Variants in PCDHGB7 observed in about 807,000 individuals in gnomAD.
PCDHGB7 encodes protocadherin gamma-B7.
A neutral mutation model predicts 61.4 loss-of-function variants in PCDHGB7; 37 were observed. The ratio of observed to expected loss-of-function variants is 0.60; its 90% confidence interval spans 0.46 to 0.79. The LOEUF (loss-of-function observed/expected upper bound fraction) is 0.79, where lower values mean the gene tolerates loss of function less well. PCDHGB7 is among the 30% of genes least tolerant of loss of function. PCDHGB7 has a pLI of 0.00. For synonymous variants in PCDHGB7, 464 were observed against 503.5 expected (o/e 0.92, Z 1.05); for missense variants, 1,166 against 1,202.5 (o/e 0.97, Z 0.45).
At chr5:141,422,849 C>G in intron 1 of PCDHGB7, 1 of 1,614,238 alleles carries the variant, frequency 6.2e-7, no homozygotes, top group East Asian at 2.2e-5. Flanking sequence ...AGCGGGGACC[C>G]GCCCCTCAGC....
At position 141,428,173 on chromosome 5, in the gene PCDHGB7, C is replaced by T. The variant is rs192741775; in HGVS notation, c.2415+7899C>T. The T allele has an allele frequency of 3.3e-6, 5 of 1,514,730 alleles. No homozygotes were observed. In the East Asian group the frequency reaches 9.1e-5, roughly 28 times the overall value. 93.8% of individuals were successfully genotyped at this position (1,514,730 alleles called of 1,614,324 possible). A position where few individuals can be genotyped will look rare whatever the true frequency, so the allele number is the denominator to read the frequency against. On this transcript the variant is annotated intron_variant, in intron 1 of 3. Transcript: ENST00000398594. ...GGAACCTGCTGGTTGCTGTGCGTGA[C>T]GGAGGACAGCCGCCGCTCTCTGCGC... is the stretch of plus-strand genomic sequence containing the variant.
intron 1 of PCDHGB7, among the ~76,000 whole-genome samples, chr5:141,462,639 C>T (rs2099043867): frequency 7.2e-6 from 1 of 138,292 alleles, no homozygotes. Flanking sequence ...TTGACTCTTT[C>T]ATTTCCATCC....
chr5:141,510,015 A>G (rs2099879210), intron 3 of PCDHGB7, among the ~76,000 whole-genome samples: 1 of 152,210 alleles, frequency 6.6e-6, no homozygotes, highest in Non-Finnish European at 1.5e-5. Flanking sequence ...GTCATACCAC[A>G]TAGCTGGCTG....
At chr5:141,459,714 T>C (rs1240430980) in intron 1 of PCDHGB7, among the ~76,000 whole-genome samples, 4 of 152,244 alleles carry the variant, frequency 2.6e-5, no homozygotes, top group Admixed American at 6.5e-5. Flanking sequence ...TTCTCACCAA[T>C]GCTTCCTATT....
In PCDHGB7 at chr5:141,487,186, A is replaced by G; in HGVS notation, c.2416-7621A>G. 4 of 1,613,760 alleles carry G rather than the reference A, an allele frequency of 2.5e-6. No individual in the cohort carries two copies. The highest frequency in any genetic ancestry group is 2.5e-6 in the Non-Finnish European group (3 of 1,179,662). ...TGTCCTTAGAGGAAGACACTCATCC[A>G]GTTGTCCCAGATCTTCGAGAATCTT... is the stretch of plus-strand genomic sequence containing the variant. On this transcript the variant is annotated intron_variant, in intron 1 of 3. Coordinates refer to ENST00000398594, the MANE Select transcript of PCDHGB7 (RefSeq NM_018927.4). This position sits in a 1 kb window ranked among gnomAD's most constrained non-coding sequence, Gnocchi z 5.0.
Position 141,487,323 on chromosome 5 carries a change from G to T in PCDHGB7, c.2416-7484G>T. The T allele has an allele frequency of 6.2e-7, 1 of 1,614,100 alleles. No homozygotes were observed. The highest frequency in any genetic ancestry group is 8.5e-7 in the Non-Finnish European group (1 of 1,180,004). On this transcript the variant is annotated intron_variant, in intron 1 of 3. Coordinates refer to ENST00000398594, the MANE Select transcript of PCDHGB7 (RefSeq NM_018927.4). This position sits in a 1 kb window ranked among gnomAD's most constrained non-coding sequence, Gnocchi z 5.0. ...GTGGCACTACTCTCTAAGTGTCTTC[G>T]TGGGGCAGCCTGTGGAGTCACATGC... is the stretch of plus-strand genomic sequence containing the variant.
chr5:141,485,619 G>A lies in PCDHGB7; in HGVS notation c.2416-9188G>A. On this transcript the variant is annotated intron_variant, in intron 1 of 3. Coordinates refer to ENST00000398594, the MANE Select transcript of PCDHGB7 (RefSeq NM_018927.4). This position sits in a 1 kb window ranked among gnomAD's most constrained non-coding sequence, Gnocchi z 5.7. ...GAAATTGGGGAGGCAGCTCCTCCAG[G>A]ACAGCGTTTCCCGTTGGAAAAGGCT... 3 of 1,612,234 alleles carry A rather than the reference G, an allele frequency of 1.9e-6. No homozygotes were observed. The highest frequency in any genetic ancestry group is 2.5e-6 in the Non-Finnish European group (3 of 1,178,678).
Position 141,432,943 on chromosome 5 carries a change from A to G in PCDHGB7, c.2415+12669A>G, listed in dbSNP as rs1200038728. ...ACAAGTCACGCCTGCTGCAGGCTTC[A>G]GGAGGCGGCTTGACAGGAGCGCCGG... On this transcript the variant is annotated intron_variant, in intron 1 of 3. Transcript: ENST00000398594. This position sits in a 1 kb window ranked among gnomAD's most constrained non-coding sequence, Gnocchi z 6.0. 5.6e-6 allele frequency: 9 copies of G among 1,614,168 alleles called. No homozygotes were observed. The highest frequency in any genetic ancestry group is 1.7e-4 in the Middle Eastern group (1 of 6,060).
Position 141,487,321 on chromosome 5 carries a change from T to C in PCDHGB7, c.2416-7486T>C. 1.2e-6 allele frequency: 2 copies of C among 1,614,198 alleles called. No individual in the cohort carries two copies. The highest frequency in any genetic ancestry group is 1.7e-6 in the Non-Finnish European group (2 of 1,180,040). Reference sequence around the variant, plus strand: ...TCGTGGCACTACTCTCTAAGTGTCTTCGTGGGGCAGCCTGTGGAGTCACAT... The same window carrying C: ...TCGTGGCACTACTCTCTAAGTGTCTCCGTGGGGCAGCCTGTGGAGTCACAT... On this transcript the variant is annotated intron_variant, in intron 1 of 3. Transcript: ENST00000398594. The surrounding 1 kb of genome is among the most constrained non-coding windows in gnomAD (Gnocchi z 5.0).
chr5:141,485,714 G>A lies in PCDHGB7; in HGVS notation c.2416-9093G>A. 6.2e-7 allele frequency: 1 copy of A among 1,614,182 alleles called. No individual in the cohort carries two copies. The highest frequency in any genetic ancestry group is 8.5e-7 in the Non-Finnish European group (1 of 1,180,042). On this transcript the variant is annotated intron_variant, in intron 1 of 3. Transcript: ENST00000398594. This position sits in a 1 kb window ranked among gnomAD's most constrained non-coding sequence, Gnocchi z 5.7. ...GAGCTCCAATGAACACTTTGCACTG[G>A]ATGTGAAGAAGCGCAGCGACGGCAG...
intron 2 of PCDHGB7, among the ~76,000 whole-genome samples, chr5:141,501,200 G>A (rs888856586): frequency 1.3e-5 from 2 of 151,854 alleles, no homozygotes; most frequent in African/African-American, 4.8e-5. Context: ...AATTCAGGGT[G>A]TTGTCAGGGT....
Position 141,477,653 on chromosome 5 carries a change from A to C in PCDHGB7, c.2416-17154A>C. ...GCTAGTGGGTCGCTATTTCACAATA[A>C]ATCGTGACAATGGCATAGTGTCATC... On this transcript the variant is annotated intron_variant, in intron 1 of 3. Transcript: ENST00000398594. The surrounding 1 kb of genome is among the most constrained non-coding windows in gnomAD (Gnocchi z 4.9). The C allele has an allele frequency of 1.2e-6, 2 of 1,614,204 alleles. No individual in the cohort carries two copies. Among genetic ancestry groups the C allele is most frequent in the Non-Finnish European group, 1.7e-6 (2 of 1,180,036 alleles).
At position 141,490,076 on chromosome 5, in the gene PCDHGB7, A is replaced by G. The variant is rs1025569516; in HGVS notation, c.2416-4731A>G. 2.5e-6 allele frequency: 4 copies of G among 1,614,240 alleles called. No homozygotes were observed. The highest frequency in any genetic ancestry group is 1.3e-5 in the African/African-American group (1 of 75,070). Reference sequence around the variant, plus strand: ...GAGGGCACCAACGGCCAACTAGACTATTCTTTTGGAGACCACACATCTGAG... The same window carrying G: ...GAGGGCACCAACGGCCAACTAGACTGTTCTTTTGGAGACCACACATCTGAG... On this transcript the variant is annotated intron_variant, in intron 1 of 3. Coordinates refer to ENST00000398594, the MANE Select transcript of PCDHGB7 (RefSeq NM_018927.4). The surrounding 1 kb of genome is among the most constrained non-coding windows in gnomAD (Gnocchi z 5.4).
At chr5:141,481,913 C>CAAAAAA (rs34114744) in intron 1 of PCDHGB7, among the ~76,000 whole-genome samples, 2 of 90,846 alleles carry the variant, frequency 2.2e-5, no homozygotes, top group Non-Finnish European at 4.4e-5. Flanking sequence ...AACTCCATCT[C>CAAAAAA]AAAAAAAAAA....
intron 1 of PCDHGB7, among the ~76,000 whole-genome samples, chr5:141,455,808 A>G (rs2098832210): frequency 6.6e-6 from 1 of 152,050 alleles, no homozygotes; most frequent in Non-Finnish European, 1.5e-5. Flanking sequence ...TAAAAAATGA[A>G]AACTTCCCAA....
chr5:141,418,928 A>G lies in PCDHGB7; in HGVS notation c.1069A>G (p.Met357Val). The change falls in exon 1 of 4, where the codon ATG becomes GTG. Residue 357 changes from methionine (M) to valine (V), a missense_variant. Transcript: ENST00000398594. The stretch of plus-strand genomic sequence containing the variant: ...CATCACGTCACTCTCTGATCAGATT[A>G]TGGAGGATTCCCCTCCAGGAGTGGT... ...IIITSLSDQI[M>V]EDSPPGVVVA... The G allele has an allele frequency of 6.2e-7, 1 of 1,613,978 alleles. No homozygotes were observed. The highest frequency in any genetic ancestry group is 8.5e-7 in the Non-Finnish European group (1 of 1,179,820).
At chr5:141,463,438 C>CTTTTTTT (rs71576115) in intron 1 of PCDHGB7, among the ~76,000 whole-genome samples, 6 of 103,252 alleles carry the variant, frequency 5.8e-5, no homozygotes, top group African/African-American at 1.3e-4. Flanking sequence ...TTTCCTTCTC[C>CTTTTTTT]TTTTTTTTTT....
chr5:141,496,163 A>T (rs1249396595), intron 2 of PCDHGB7, among the ~76,000 whole-genome samples: 2 of 150,100 alleles, frequency 1.3e-5, no homozygotes, highest in Non-Finnish European at 3.0e-5. Flanking sequence ...TCCACCAGAC[A>T]CCCTCCCATC....
chr5:141,433,001 G>T, intron 1 of PCDHGB7: 1 of 1,614,156 alleles, frequency 6.2e-7, no homozygotes, highest in African/African-American at 1.3e-5. Flanking sequence ...CGGGGTGCAG[G>T]CTTTCCTGCA....
Sources: gnomAD v4.1 joint callset for allele counts (sites outside exome capture counted in the v4.1 genomes callset) on GRCh38, gnomAD v4.1.1 for gene constraint, Gnocchi (gnomAD v3.1) non-coding constraint, MANE v1.5 for transcripts, NCBI Gene and HGNC (gene_info 2026-07-23, HGNC 2026-07-21) for gene names.